The following TMEM132E variants were observed in gnomAD, a reference collection of about 807,000 sequenced individuals.
TMEM132E encodes transmembrane protein 132E.
Under a neutral mutation model 78.5 loss-of-function variants are expected in TMEM132E, and 49 were observed. The ratio of observed to expected loss-of-function variants is 0.62; its 90% CI spans 0.50 to 0.79. The LOEUF is 0.79. Ranked by LOEUF, TMEM132E falls within the 30% of genes least tolerant of loss-of-function variation. The pLI is 0.00. For synonymous variants in TMEM132E, 715 were observed against 670.6 expected (o/e 1.07, Z -1.02); for missense variants, 1,403 against 1,470.9 (o/e 0.95, Z 0.75).
In TMEM132E at chr17:34,626,722, C is replaced by T. The variant is rs1907147669; in HGVS notation, c.663C>T (p.Pro221=). 4.4e-6 allele frequency: 6 copies of T among 1,377,772 alleles called. No individual in the cohort carries two copies. Among genetic ancestry groups the T allele is most frequent in the East Asian group, 2.6e-5 (1 of 38,572 alleles). The allele number at this position is 1,377,772 out of a possible 1,614,324, so 85.3% of individuals were successfully genotyped here. A position where few individuals can be genotyped will look rare whatever the true frequency, so the allele number is the denominator to read the frequency against. ...ARRKSPDGLE[P]EATGESQQAE... is the part of the protein sequence containing the mutation. Reference sequence around the variant, plus strand: ...GCAAGTCCCCGGACGGGCTGGAGCCCGAGGCGACGGGGGAGAGCCAGCAGG... The same window carrying T: ...GCAAGTCCCCGGACGGGCTGGAGCCTGAGGCGACGGGGGAGAGCCAGCAGG... Residue 221 remains proline (P), a synonymous_variant, in exon 2 of 9, where the codon CCC becomes CCT. Transcript: ENST00000631683.
At chr17:34,624,401 G>A (rs1306272235) in intron 1 of TMEM132E, among the ~76,000 whole-genome samples, 3 of 152,186 alleles carry the variant, frequency 2.0e-5, no homozygotes, top group Non-Finnish European at 4.4e-5. Flanking sequence ...CGCAAGGCCA[G>A]GTAGGTAACT....
At chr17:34,620,037 C>T (rs1021151266) in intron 1 of TMEM132E, among the ~76,000 whole-genome samples, 2 of 152,180 alleles carry the variant, frequency 1.3e-5, no homozygotes, top group African/African-American at 4.8e-5. Context: ...AATTTGGAGA[C>T]AATTAGAGGT....
In TMEM132E at chr17:34,626,823, G is replaced by A; in HGVS notation, c.764G>A (p.Gly255Glu). The A allele has an allele frequency of 6.5e-7, 1 of 1,547,706 alleles. No individual in the cohort carries two copies. The highest frequency in any genetic ancestry group is 1.9e-5 in the Admixed American group (1 of 52,452). The change falls in exon 2 of 9, where the codon GGG becomes GAG. Residue 255 changes from glycine (G) to glutamate (E), a missense_variant. By Grantham distance (98) the Gly-to-Glu change is moderately conservative (BLOSUM62 -2). Around this residue, in one of 3 missense-constraint regions of TMEM132E, gnomAD observed 511 missense variants for 499.0 expected, o/e 1.02. Coordinates refer to ENST00000631683, the MANE Select transcript of TMEM132E (RefSeq NM_001304438.2). ...GGCTCCCGCCGGGGGGCCGGGCCCG[G>A]GGTGGGGGCCCGAGCGGAAAGCCCT... The part of the protein sequence containing the change: ...CGGSRRGAGP[G>E]VGARAESPTQ...
At chr17:34,636,295 GGGCTTT>G in intron 8 of TMEM132E, 97 bp downstream of exon 8, 2 of 1,209,112 alleles carry the variant, frequency 1.7e-6, no homozygotes, top group Non-Finnish European at 2.2e-6. Flanking sequence ...CCCCATATTA[GGGCTTT>G]AGGAAATGGA....
At position 34,580,611 on chromosome 17, in the gene TMEM132E, A is replaced by C; in HGVS notation, c.-466A>C. 6.3e-6 allele frequency: 1 copy of C among 159,840 alleles called. No homozygotes were observed. The allele number at this position is 159,840 out of a possible 1,614,324, so 9.9% of individuals were successfully genotyped here. ...TGGGCTGCTGCAGGGGCTTGGAGGA[A>C]GAAAGCGGCGCTATCCATGTGCGGT... On this transcript the variant is annotated 5_prime_UTR_variant, in exon 1 of 9. Coordinates refer to ENST00000631683, the MANE Select transcript of TMEM132E (RefSeq NM_001304438.2).
At chr17:34,636,986 T>A (rs1907542329) in intron 8 of TMEM132E, among the ~76,000 whole-genome samples, 191 bp from the exon 9 acceptor site, 1 of 152,116 alleles carries the variant, frequency 6.6e-6, no homozygotes, top group South Asian at 2.1e-4. Flanking sequence ...CCCCACACCC[T>A]GTGAGGAGGA....
chr17:34,580,784 G>A lies in TMEM132E; in HGVS notation c.-293G>A. 1 of 364,778 alleles carries A rather than the reference G, an allele frequency of 2.7e-6. No homozygotes were observed. 22.6% of individuals were successfully genotyped at this position (364,778 alleles called of 1,614,324 possible). On this transcript the variant is annotated 5_prime_UTR_variant, in exon 1 of 9. Coordinates refer to ENST00000631683, the MANE Select transcript of TMEM132E (RefSeq NM_001304438.2). ...GCCCGCGGCCACCGGGCTCCGGACT[G>A]CACGTGCAGCTCCCCCCGCGCCTCG...
intron 1 of TMEM132E, among the ~76,000 whole-genome samples, chr17:34,621,422 C>T (rs948703300): frequency 2.0e-5 from 3 of 152,120 alleles, no homozygotes; most frequent in Admixed American, 6.6e-5. Flanking sequence ...GATTAGGGCC[C>T]ACCCTCACAG....
chr17:34,627,663 G>A (rs1907205251), intron 2 of TMEM132E, among the ~76,000 whole-genome samples: 1 of 152,114 alleles, frequency 6.6e-6, no homozygotes, highest in East Asian at 1.9e-4. Flanking sequence ...TTTCACACTA[G>A]GAATCTGTGG....
intron 1 of TMEM132E, among the ~76,000 whole-genome samples, chr17:34,602,806 A>T (rs1906284978): frequency 1.3e-5 from 2 of 152,210 alleles, no homozygotes. Context: ...TTTCCCTTTC[A>T]AACTCCACAA....
intron 5 of TMEM132E, among the ~76,000 whole-genome samples, chr17:34,630,788 A>C (rs1907325616): frequency 6.6e-6 from 1 of 151,422 alleles, no homozygotes; most frequent in African/African-American, 2.4e-5. Flanking sequence ...CTCCCACCCC[A>C]CCCCTGAGCT....
intron 1 of TMEM132E, among the ~76,000 whole-genome samples, chr17:34,599,933 C>T (rs900130094): frequency 2.6e-4 from 40 of 152,110 alleles, no homozygotes; most frequent in Admixed American, 1.3e-3. Context: ...CCTCCAGCAT[C>T]GTGACAGGCC....
chr17:34,631,861 G>A (rs930000002), intron 5 of TMEM132E, among the ~76,000 whole-genome samples: 10 of 152,218 alleles, frequency 6.6e-5, no homozygotes, highest in Admixed American at 4.6e-4. Context: ...CACAGGATCC[G>A]TTCTGGGGTG....
At chr17:34,632,409 A>G (rs1357604468) in intron 5 of TMEM132E, among the ~76,000 whole-genome samples, 1 of 152,256 alleles carries the variant, frequency 6.6e-6, no homozygotes, top group Non-Finnish European at 1.5e-5. Flanking sequence ...AGCGTCCTCC[A>G]AAGCGTGGCT....
At chr17:34,594,669 A>G (rs1224962372) in intron 1 of TMEM132E, among the ~76,000 whole-genome samples, 1 of 152,158 alleles carries the variant, frequency 6.6e-6, no homozygotes, top group Non-Finnish European at 1.5e-5. Flanking sequence ...AGCTCACTGC[A>G]GCCTCGAACT....
At chr17:34,625,891 G>A (rs967606939) in intron 1 of TMEM132E, among the ~76,000 whole-genome samples, 5 of 152,230 alleles carry the variant, frequency 3.3e-5, no homozygotes, top group African/African-American at 1.2e-4. Flanking sequence ...TAAATGAAGC[G>A]GTGGGTGAGA....
rs376197114 is a variant in TMEM132E, at chr17:34,631,333, CAGA to C, written c.1482+1185_1482+1187del. 2.5e-4 allele frequency among the ~76,000 whole-genome samples: 38 copies of C among 152,170 alleles called. No individual in the cohort carries two copies. The South Asian group carries it at 6.6e-3, about 27-fold the overall frequency. Reference sequence around the variant, plus strand: ...ATCACCCCCTTCAGAGAAGCCTCACCAGAAGCCTGTGAGCTGTCCACTGCTGGA... The same window carrying C: ...ATCACCCCCTTCAGAGAAGCCTCACCAGCCTGTGAGCTGTCCACTGCTGGA... On this transcript the variant is annotated intron_variant, in intron 5 of 8. Coordinates refer to ENST00000631683, the MANE Select transcript of TMEM132E (RefSeq NM_001304438.2).
chr17:34,612,915 G>C (rs538958234), intron 1 of TMEM132E, among the ~76,000 whole-genome samples: 22 of 152,200 alleles, frequency 1.4e-4, no homozygotes, highest in African/African-American at 3.4e-4. Context: ...GTTATTGTGA[G>C]GTTGGGGTGA....
intron 1 of TMEM132E, among the ~76,000 whole-genome samples, chr17:34,596,264 A>C (rs1442490821): frequency 6.6e-6 from 1 of 152,204 alleles, no homozygotes; most frequent in Non-Finnish European, 1.5e-5. Context: ...CAGTTTAAAA[A>C]TGGCTAAACA....
Sources: allele counts gnomAD v4.1 joint callset (sites outside exome capture counted in the v4.1 genomes callset), GRCh38; gene constraint gnomAD v4.1.1; regional missense constraint gnomAD v4.1.1; transcripts MANE v1.5; gene names NCBI Gene and HGNC (gene_info 2026-07-23, HGNC 2026-07-21).